Variants in CYP4A11 observed in about 807,000 individuals in gnomAD.
CYP4A11 encodes cytochrome P450 family 4 subfamily A member 11, also known as cytochrome P450 4A11.
CYP4A11 carries 52 observed loss-of-function variants against 57.7 expected under a neutral mutation model. The observed-to-expected ratio is 0.90, with a 90% CI of 0.72 to 1.14. The LOEUF is 1.14. Among genes scored for constraint, CYP4A11 ranks in the 50% most tolerant of loss-of-function variants. The pLI, the probability that CYP4A11 is intolerant of heterozygous loss-of-function variation, is 0.00. For synonymous variants in CYP4A11, 228 were observed against 247.1 expected, an observed-to-expected ratio of 0.92 and a Z score of 0.72; for missense variants, 641 against 642.1, an observed-to-expected ratio of 1.00 and a Z score of 0.02.
rs375553969 is a variant in CYP4A11, at chr1:46,930,340, A to C, written c.1365-30T>G. On this transcript the variant is annotated intron_variant, in intron 11 of 11. Transcript: ENST00000310638. ...GCCAGGTGGAGATAATGAATTGAGA[A>C]GTGTCCTCAGGCCCCATTCTGATCT... The C allele has an allele frequency of 5.6e-4, 889 of 1,593,502 alleles. 7 individuals carry two copies. In the South Asian group the frequency reaches 6.6e-3, roughly 12 times the overall value.
chr1:46,935,249 G>A (rs1681312311), intron 5 of CYP4A11, 95 bp from the exon 6 acceptor site: 7 of 1,432,618 alleles, frequency 4.9e-6, no homozygotes, highest in Non-Finnish European at 6.7e-6. Context: ...GGATAATGGG[G>A]ACAAGCAGCC....
chr1:46,934,954 T>G (rs764739638), intron 6 of CYP4A11, 46 bp downstream of exon 6: 2 of 1,597,294 alleles, frequency 1.3e-6, no homozygotes, highest in East Asian at 2.2e-5. Context: ...GCAAGTTCTT[T>G]CGCTGTGCCT....
chr1:46,937,987 C>T lies in CYP4A11; in HGVS notation c.337+9G>A, dbSNP rs369635654. 2.2e-4 allele frequency: 363 copies of T among 1,613,662 alleles called. No homozygotes were observed. In the African/African-American group the frequency reaches 3.2e-3, roughly 14 times the overall value. On this transcript the variant is annotated intron_variant, in intron 2 of 11. Transcript: ENST00000310638. ...ACACATTGCAGTTGGGATGGGGGTTCGATCTCACCTGATCTCCCCAGAATC... is the reference window on the plus strand; with the variant it reads ...ACACATTGCAGTTGGGATGGGGGTTTGATCTCACCTGATCTCCCCAGAATC...
rs746852164 is a variant in CYP4A11 at position 46,932,979 on chromosome 1, A to G, written c.1287+4T>C. 1 of 1,614,208 alleles carries G rather than the reference A, an allele frequency of 6.2e-7. No homozygotes were observed. The highest frequency in any genetic ancestry group is 1.3e-5 in the African/African-American group (1 of 75,052). ...CTCATTTCCTCCTCTCAAGGACCAC[A>G]TACCTCTGGGTTGGGCCACACTTTT... is the stretch of plus-strand genomic sequence containing the variant. On this transcript the variant is annotated splice_donor_region_variant and intron_variant, in intron 10 of 11. Coordinates refer to ENST00000310638, the MANE Select transcript of CYP4A11 (RefSeq NM_000778.4).
At chr1:46,939,682 C>T (rs1681631944) in intron 1 of CYP4A11, among the ~76,000 whole-genome samples, 1 of 152,188 alleles carries the variant, frequency 6.6e-6, no homozygotes, top group African/African-American at 2.4e-5. Context: ...CCCTTCACTA[C>T]TGGGAGACCC....
rs765361384 is a variant in CYP4A11 at position 46,938,181 on chromosome 1, G to T, written c.196-44C>A. 2.5e-6 allele frequency: 4 copies of T among 1,612,034 alleles called. No homozygotes were observed. In the East Asian group the frequency reaches 8.9e-5, roughly 36 times the overall value. ...AGATGAACACTTTCATTTACTTCTA[G>T]TCTTTGCAGCAGGAGTGAAGGGCAG... On this transcript the variant is annotated intron_variant, in intron 1 of 11. Coordinates refer to ENST00000310638, the MANE Select transcript of CYP4A11 (RefSeq NM_000778.4).
intron 11 of CYP4A11, 117 bp downstream of exon 11, chr1:46,932,644 A>C (rs1570059030): frequency 6.3e-7 from 1 of 1,590,166 alleles, no homozygotes; most frequent in East Asian, 2.3e-5. Context: ...CACAAATACC[A>C]ACATTTAAGA....
At position 46,939,913 on chromosome 1, in the gene CYP4A11, G is replaced by A. The variant is rs371519862; in HGVS notation, c.195+1326C>T. Among the ~76,000 whole-genome samples, 39 of 145,722 alleles carry A rather than the reference G, an allele frequency of 2.7e-4. 6 individuals carry two copies. The South Asian group carries it at 8.4e-3, about 32-fold the overall frequency. On this transcript the variant is annotated intron_variant, in intron 1 of 11. Transcript: ENST00000310638. ...CCATATAGGGTTAGAACTTTGGCAG[G>A]TCCCCACATTTGTTCTGCTCTGCTG...
intron 1 of CYP4A11, 113 bp downstream of exon 1, chr1:46,941,126 T>A (rs543540764): frequency 5.4e-6 from 8 of 1,474,532 alleles, no homozygotes; most frequent in Middle Eastern, 2.6e-4. Context: ...GGGTGTTCCT[T>A]TGAGTCCTCA....
In CYP4A11 at chr1:46,932,751, G is replaced by T; in HGVS notation, c.1364+10C>A. The T allele has an allele frequency of 6.2e-7, 1 of 1,614,158 alleles. No homozygotes were observed. Among genetic ancestry groups the T allele is most frequent in the African/African-American group, 1.3e-5 (1 of 75,026 alleles). On this transcript the variant is annotated intron_variant, in intron 11 of 11. Coordinates refer to ENST00000310638, the MANE Select transcript of CYP4A11 (RefSeq NM_000778.4). Reference sequence around the variant, plus strand: ...TTCCTCTATTCGAATTACCACACAGGACGTCTCACCTTGATCCTCCTGAGA... The same window carrying T: ...TTCCTCTATTCGAATTACCACACAGTACGTCTCACCTTGATCCTCCTGAGA...
intron 11 of CYP4A11, 94 bp downstream of exon 11, chr1:46,932,667 A>G (rs891777706): frequency 4.0e-5 from 64 of 1,607,612 alleles, no homozygotes; most frequent in Non-Finnish European, 5.4e-5. Context: ...ACACCTGAAG[A>G]TGCCACATAT....
At chr1:46,935,286 A>C (rs1681314494) in intron 5 of CYP4A11, 132 bp from the exon 6 acceptor site, 1 of 1,228,580 alleles carries the variant, frequency 8.1e-7, no homozygotes, top group Non-Finnish European at 1.1e-6. Flanking sequence ...TCTATCTTAC[A>C]GCCCTATTAT....
chr1:46,934,320 A>G lies in CYP4A11; in HGVS notation c.944T>C (p.Val315Ala). 2.5e-6 allele frequency: 4 copies of G among 1,604,782 alleles called. No homozygotes were observed. The highest frequency in any genetic ancestry group is 2.6e-6 in the Non-Finnish European group (3 of 1,175,370). ...GTGGCCCTCAAACATGAACGTGTCC[A>G]CCTCAGCACGGAGGTCCTTGTCTGA... ...ILSDKDLRAE[V>A]DTFMFEGHDT... The change falls in exon 8 of 12, where the codon GTG becomes GCG. Residue 315 changes from valine (V) to alanine (A), a missense_variant. Val to Ala is a moderately conservative substitution (Grantham distance 64). Coordinates refer to ENST00000310638, the MANE Select transcript of CYP4A11 (RefSeq NM_000778.4).
rs1486887348 is a variant in CYP4A11 at position 46,937,947 on chromosome 1, GTGTCA to G, written c.337+44_337+48del. On this transcript the variant is annotated intron_variant, in intron 2 of 11. Transcript: ENST00000310638. ...TGGAATTTTACAGACCCAGGAGCAT[GTGTCA>G]AGAGGGAAGACACATTGCAGTTGGG... 5 of 1,607,464 alleles carry G rather than the reference GTGTCA, an allele frequency of 3.1e-6. No homozygotes were observed. In the South Asian group the frequency reaches 4.4e-5, roughly 14 times the overall value.
intron 9 of CYP4A11, 37 bp downstream of exon 9, chr1:46,933,909 T>C (rs1681192100): frequency 1.2e-6 from 2 of 1,612,314 alleles, no homozygotes; most frequent in South Asian, 2.2e-5. Context: ...CACGTCCCTG[T>C]GGAGAGTTTA....
Position 46,929,215 on chromosome 1 carries a change from T to A in CYP4A11, c.*900A>T, listed in dbSNP as rs896786734. The A allele has an allele frequency of 6.6e-6, 1 of 152,032 alleles. No homozygotes were observed. Among genetic ancestry groups the A allele is most frequent in the African/African-American group, 2.4e-5 (1 of 41,354 alleles). The allele number at this position is 152,032 out of a possible 1,614,324, so 9.4% of individuals were successfully genotyped here. A position where few individuals can be genotyped will look rare whatever the true frequency, so the allele number is the denominator to read the frequency against. On this transcript the variant is annotated 3_prime_UTR_variant, in exon 12 of 12. Coordinates refer to ENST00000310638, the MANE Select transcript of CYP4A11 (RefSeq NM_000778.4). ...AGATTGTGATAGTTTATTACAGCAGTAATAGGAAACTAATATAGGAACAGA... is the reference window on the plus strand; with the variant it reads ...AGATTGTGATAGTTTATTACAGCAGAAATAGGAAACTAATATAGGAACAGA...
chr1:46,939,286 T>C (rs1681607239), intron 1 of CYP4A11, among the ~76,000 whole-genome samples: 1 of 152,230 alleles, frequency 6.6e-6, no homozygotes, highest in Non-Finnish European at 1.5e-5. Flanking sequence ...CAGCCCATGC[T>C]TACTGCACAC....
chr1:46,941,243 T>C lies in CYP4A11; in HGVS notation c.191A>G (p.Gln64Arg), dbSNP rs1488216334. The part of the protein sequence containing the change: ...PPSHWLFGHI[Q>R]ELQQDQELQR... The stretch of plus-strand genomic sequence containing the variant: ...CCCCATTGAGTTCCTCCCTACCTCC[T>C]GGATGTGCCCGAAGAGCCAGTGGGA... The change falls in exon 1 of 12, where the codon CAG (glutamine) becomes CGG (arginine). Residue 64 changes from glutamine to arginine, a missense_variant. Coordinates refer to ENST00000310638, the MANE Select transcript of CYP4A11 (RefSeq NM_000778.4). 6.2e-7 allele frequency: 1 copy of C among 1,612,670 alleles called. No individual in the cohort carries two copies. The highest frequency in any genetic ancestry group is 1.3e-5 in the African/African-American group (1 of 74,820).
intron 6 of CYP4A11, 99 bp downstream of exon 6, chr1:46,934,901 T>C: frequency 1.3e-6 from 2 of 1,535,848 alleles, no homozygotes; most frequent in Non-Finnish European, 8.8e-7. Context: ...GTGTTCTGCG[T>C]TCTGCAGGGT....
Sources: allele counts gnomAD v4.1 joint callset (sites outside exome capture counted in the v4.1 genomes callset), GRCh38; gene constraint gnomAD v4.1.1; transcripts MANE v1.5; gene names NCBI Gene and HGNC (gene_info 2026-07-23, HGNC 2026-07-21).